Variants in SARDH observed in about 807,000 individuals in gnomAD.
SARDH encodes the protein sarcosine dehydrogenase.
SARDH carries 95 observed loss-of-function variants against 109.1 expected under a neutral mutation model. The observed-to-expected ratio is 0.87, with a 90% CI of 0.74 to 1.03. The LOEUF (loss-of-function observed/expected upper bound fraction) is 1.03, where lower values mean the gene tolerates loss of function less well. SARDH is among the 50% of genes least tolerant of loss of function. The probability of loss-of-function intolerance (pLI) is 0.00; values close to 1 mark genes in which losing one functional copy is unlikely to be tolerated. For missense variants in SARDH, 1,267 were observed against 1,287.8 expected (o/e 0.98, Z 0.25); for synonymous variants, 572 against 534.8 (o/e 1.07, Z -0.96).
In SARDH at chr9:133,731,329, C is replaced by T. The variant is rs201146600; in HGVS notation, c.666G>A (p.Arg222=). ...CCTGTGCTCCTCGGGCAGAAGCTGC[C>T]CTGGCGAGGGTGGTACAGGTGCCAG... The part of the protein sequence containing the change: ...DPAGTCTTLA[R]AASARGAQVI... The change falls in exon 4 of 21, where the codon AGG becomes AGA. Residue 222 remains arginine, a synonymous_variant. Transcript: ENST00000439388. The T allele has an allele frequency of 2.7e-5, 43 of 1,614,040 alleles. No individual in the cohort carries two copies. The highest frequency in any genetic ancestry group is 1.6e-4 in the Middle Eastern group (1 of 6,084).
chr9:133,667,075 T>C (rs1830099936), intron 19 of SARDH: 2 of 625,608 alleles, frequency 3.2e-6, no homozygotes, highest in Non-Finnish European at 5.6e-6. Context: ...TTCGAGTGAG[T>C]AAAAGGGATG....
intron 20 of SARDH, among the ~76,000 whole-genome samples, chr9:133,665,338 C>T (rs552852945): frequency 6.6e-6 from 1 of 152,220 alleles, no homozygotes; most frequent in African/African-American, 2.4e-5. Flanking sequence ...TGGCATGGAG[C>T]CCATAAACTC....
chr9:133,704,654 C>T lies in SARDH; in HGVS notation c.1554+294G>A, dbSNP rs550728901. On this transcript the variant is annotated intron_variant, in intron 12 of 20. Coordinates refer to ENST00000439388, the MANE Select transcript of SARDH (RefSeq NM_001134707.2). The surrounding 1 kb of genome is among the most constrained non-coding windows in gnomAD (Gnocchi z 4.5). Reference sequence around the variant, plus strand: ...CTTGCTGTCTCCCCACCGCAGGACACCCCTTCTGCTCTGCCTACAGCCCTT... The same window carrying T: ...CTTGCTGTCTCCCCACCGCAGGACATCCCTTCTGCTCTGCCTACAGCCCTT... 4.6e-5 allele frequency among the ~76,000 whole-genome samples: 7 copies of T among 152,340 alleles called. 1 individual carries two copies. In the South Asian group the frequency reaches 1.5e-3, roughly 32 times the overall value.
rs991980255 is a variant in SARDH, at chr9:133,717,307, C to T, written c.1150+19G>A. ...AAGGACCCATGGACGCCCACCCCAGCTCCGAGGCTGTCACTCACCAGGGCC... is the reference window on the plus strand; with the variant it reads ...AAGGACCCATGGACGCCCACCCCAGTTCCGAGGCTGTCACTCACCAGGGCC... On this transcript the variant is annotated intron_variant, in intron 8 of 20. Coordinates refer to ENST00000439388, the MANE Select transcript of SARDH (RefSeq NM_001134707.2). The T allele has an allele frequency of 6.2e-7, 1 of 1,613,456 alleles. No individual in the cohort carries two copies. The highest frequency in any genetic ancestry group is 1.3e-5 in the African/African-American group (1 of 74,930).
intron 15 of SARDH, among the ~76,000 whole-genome samples, chr9:133,691,483 G>A (rs543997951): frequency 5.2e-4 from 79 of 152,358 alleles, no homozygotes; most frequent in Non-Finnish European, 8.7e-4. Context: ...CAGGGTGGCC[G>A]GGGACTTGCA....
rs1029096872 is a variant in SARDH, at chr9:133,733,767, G to A, written c.331+76C>T. ...GGCTGGTTGTTGTGAACCAAGAACT[G>A]TCCCAGCTAGCAATGGGCTGTGGCC... On this transcript the variant is annotated intron_variant, in intron 2 of 20. Transcript: ENST00000439388. The A allele has an allele frequency of 2.6e-5, 35 of 1,330,692 alleles. No individual in the cohort carries two copies. In the African/African-American group the frequency reaches 5.3e-4, roughly 20 times the overall value. The allele number at this position is 1,330,692 out of a possible 1,614,324, so 82.4% of individuals were successfully genotyped here.
intron 17 of SARDH, among the ~76,000 whole-genome samples, chr9:133,675,259 G>A: frequency 6.6e-6 from 1 of 152,054 alleles, no homozygotes; most frequent in Non-Finnish European, 1.5e-5. Flanking sequence ...GCTGAGGTGG[G>A]AGAATCACTT....
At chr9:133,675,350 A>T (rs201240695) in intron 17 of SARDH, among the ~76,000 whole-genome samples, 3 of 40,100 alleles carry the variant, frequency 7.5e-5, no homozygotes, top group Non-Finnish European at 1.5e-4. Flanking sequence ...GACTCCATTT[A>T]AAAAAAAAAA....
At chr9:133,732,006 G>A (rs1832701162) in intron 3 of SARDH, among the ~76,000 whole-genome samples, 1 of 152,138 alleles carries the variant, frequency 6.6e-6, no homozygotes, top group Non-Finnish European at 1.5e-5. Flanking sequence ...TGGACCACTG[G>A]GACAGGGAGA....
chr9:133,665,996 G>A (rs1369316328), intron 20 of SARDH, among the ~76,000 whole-genome samples: 1 of 152,194 alleles, frequency 6.6e-6, no homozygotes, highest in Non-Finnish European at 1.5e-5. Context: ...ATGGGAAAAG[G>A]AGGTGGAGGT....
At chr9:133,738,515 A>G (rs922928717), upstream of SARDH, among the ~76,000 whole-genome samples, 2 of 152,022 alleles carry the variant, frequency 1.3e-5, no homozygotes, top group African/African-American at 4.8e-5. Context: ...AGGGTTGTGA[A>G]CCCCATGCCC....
chr9:133,732,732 CTGGG>C, intron 2 of SARDH, 131 bp from the exon 3 acceptor site: 4 of 1,012,296 alleles, frequency 4.0e-6, no homozygotes, highest in Non-Finnish European at 4.2e-6. Flanking sequence ...TCTGCAGGAC[CTGGG>C]GGGCCTGGAG....
In SARDH at chr9:133,671,562, C is replaced by A; in HGVS notation, c.2299G>T (p.Ala767Ser). 1.9e-6 allele frequency: 3 copies of A among 1,608,734 alleles called. No homozygotes were observed. The highest frequency in any genetic ancestry group is 1.7e-6 in the Non-Finnish European group (2 of 1,178,260). ...TTCTCAATGCTCAGGGAGTCGATGG[C>A]GCGGTACCCTGCGTTGATGAGGCCG... is the stretch of plus-strand genomic sequence containing the variant. ...KHGLINAGYR[A>S]IDSLSIEKGY... is the part of the protein sequence containing the mutation. The change falls in exon 18 of 21, where the codon GCC (alanine) becomes TCC (serine). Residue 767 changes from alanine to serine, a missense_variant. By Grantham distance (99) the Ala-to-Ser change is moderately conservative. Coordinates refer to ENST00000439388, the MANE Select transcript of SARDH (RefSeq NM_001134707.2).
Position 133,732,421 on chromosome 9 carries a change from A to G in SARDH, c.510+2T>C. 1.5e-6 allele frequency: 2 copies of G among 1,330,912 alleles called. No individual in the cohort carries two copies. Among genetic ancestry groups the G allele is most frequent in the East Asian group, 9.6e-5 (2 of 20,800 alleles). The allele number at this position is 1,330,912 out of a possible 1,614,324, so 82.4% of individuals were successfully genotyped here. A position where few individuals can be genotyped will look rare whatever the true frequency, so the allele number is the denominator to read the frequency against. ...CCTTGCCCCCCGCAGGGGAGCACACACCGACATGAGCCTCTTGTACTCGTC... is the reference window on the plus strand; with the variant it reads ...CCTTGCCCCCCGCAGGGGAGCACACGCCGACATGAGCCTCTTGTACTCGTC... On this transcript the variant is annotated splice_donor_variant, in intron 3 of 20. Transcript: ENST00000439388. LOFTEE classifies it high-confidence loss of function.
chr9:133,717,790 AC>A (rs1832183529), intron 7 of SARDH, among the ~76,000 whole-genome samples: 1 of 151,972 alleles, frequency 6.6e-6, no homozygotes, highest in Admixed American at 6.6e-5. Flanking sequence ...GCCTACCTCT[AC>A]CACTGGGCCC....
chr9:133,666,945 G>T lies in SARDH; in HGVS notation c.2496-75C>A. Reference sequence around the variant, plus strand: ...GACGCGTCCACAGCGGCCTGGAGGAGAATGGGGGGCTGCATGATGCACACC... The same window carrying T: ...GACGCGTCCACAGCGGCCTGGAGGATAATGGGGGGCTGCATGATGCACACC... On this transcript the variant is annotated intron_variant, in intron 19 of 20. Coordinates refer to ENST00000439388, the MANE Select transcript of SARDH (RefSeq NM_001134707.2). The surrounding 1 kb of genome is among the most constrained non-coding windows in gnomAD (Gnocchi z 5.2). The T allele has an allele frequency of 6.3e-7, 1 of 1,577,088 alleles. No individual in the cohort carries two copies. The highest frequency in any genetic ancestry group is 8.6e-7 in the Non-Finnish European group (1 of 1,158,976).
At chr9:133,680,393 C>A (rs1347155742) in intron 17 of SARDH, among the ~76,000 whole-genome samples, 1 of 152,230 alleles carries the variant, frequency 6.6e-6, no homozygotes, top group Non-Finnish European at 1.5e-5. Context: ...GGGGAGCTGG[C>A]CGTGGCCAGT....
chr9:133,719,183 A>G (rs1461791391), intron 6 of SARDH, 141 bp from the exon 7 acceptor site: 13 of 658,014 alleles, frequency 2.0e-5, no homozygotes, highest in East Asian at 1.9e-4. Flanking sequence ...CCGAGGACAG[A>G]GTGGACACGG....
intron 1 of SARDH, among the ~76,000 whole-genome samples, chr9:133,735,102 G>T (rs1390160448): frequency 3.3e-5 from 5 of 152,182 alleles, no homozygotes; most frequent in Non-Finnish European, 7.4e-5. Context: ...GCAGGGTATC[G>T]GCAGGCAGCC....
Sources: gnomAD v4.1 joint callset for allele counts (sites outside exome capture counted in the v4.1 genomes callset) on GRCh38, gnomAD v4.1.1 for gene constraint, Gnocchi (gnomAD v3.1) non-coding constraint, MANE v1.5 for transcripts, NCBI Gene and HGNC (gene_info 2026-07-23, HGNC 2026-07-21) for gene names.